The following TUBB2A variants were observed in gnomAD, a reference collection of about 807,000 sequenced individuals.
TUBB2A encodes the protein tubulin beta 2A class IIa, also known as tubulin beta-2A chain.
In TUBB2A, 7 loss-of-function variants were observed where a neutral mutation model predicts 33.9. The ratio of observed to expected loss-of-function variants is 0.21; its 90% CI spans 0.12 to 0.39. The LOEUF is 0.39. TUBB2A is among the 10% of genes least tolerant of loss of function. TUBB2A has a pLI of 1.00. For synonymous variants in TUBB2A, 187 were observed against 247.6 expected (o/e 0.76, Z 2.30); for missense variants, 80 against 593.4 (o/e 0.13, Z 8.99).
Position 3,155,874 on chromosome 6 carries a change from T to C in TUBB2A, c.167-139A>G. 2.2e-6 allele frequency: 3 copies of C among 1,387,552 alleles called. No homozygotes were observed. The highest frequency in any genetic ancestry group is 2.9e-6 in the Non-Finnish European group (3 of 1,026,714). 86.0% of individuals were successfully genotyped at this position (1,387,552 alleles called of 1,614,324 possible). A position where few individuals can be genotyped will look rare whatever the true frequency, so the allele number is the denominator to read the frequency against. On this transcript the variant is annotated intron_variant, in intron 2 of 3. Transcript: ENST00000333628. This position sits in a 1 kb window ranked among gnomAD's most constrained non-coding sequence, Gnocchi z 4.2. ...AGGAGGTCCTGAGTGTGCTTAGCCG[T>C]GGCAAACAGGCAGGAATCTTAGGAA... is the stretch of plus-strand genomic sequence containing the variant.
chr6:3,154,938 G>A lies in TUBB2A; in HGVS notation c.278-15C>T. On this transcript the variant is annotated splice_polypyrimidine_tract_variant and intron_variant, in intron 3 of 3. Transcript: ENST00000333628. The stretch of plus-strand genomic sequence containing the variant: ...TCCACTCTGGCCTGCCAGAGGGAAA[G>A]TGAACATTAGACACTAAAACATAAG... The A allele has an allele frequency of 6.2e-7, 1 of 1,613,992 alleles. No individual in the cohort carries two copies. The highest frequency in any genetic ancestry group is 1.1e-5 in the South Asian group (1 of 91,084).
At chr6:3,157,055 T>G (rs1179356532) in intron 1 of TUBB2A, among the ~76,000 whole-genome samples, 3 of 152,214 alleles carry the variant, frequency 2.0e-5, no homozygotes, top group Admixed American at 1.3e-4. Context: ...ATGTTTTCAT[T>G]CAAACCGTAG....
Position 3,155,211 on chromosome 6 carries a change from T to G in TUBB2A, c.278-288A>C, listed in dbSNP as rs1762612139. 6.6e-6 allele frequency among the ~76,000 whole-genome samples: 1 copy of G among 152,204 alleles called. No homozygotes were observed. Among genetic ancestry groups the G allele is most frequent in the African/African-American group, 2.4e-5 (1 of 41,458 alleles). On this transcript the variant is annotated intron_variant, in intron 3 of 3. Transcript: ENST00000333628. The surrounding 1 kb of genome is among the most constrained non-coding windows in gnomAD (Gnocchi z 4.2). Reference sequence around the variant, plus strand: ...GAAATACATACATTTTTAAGAGGCATTCTCTTTATACTCAACTACAATTAA... The same window carrying G: ...GAAATACATACATTTTTAAGAGGCAGTCTCTTTATACTCAACTACAATTAA...
Position 3,155,839 on chromosome 6 carries a change from T to A in TUBB2A, c.167-104A>T. 7.4e-7 allele frequency: 1 copy of A among 1,354,390 alleles called. No individual in the cohort carries two copies. The highest frequency in any genetic ancestry group is 1.4e-5 in the South Asian group (1 of 71,394). The allele number at this position is 1,354,390 out of a possible 1,614,324, so 83.9% of individuals were successfully genotyped here. Reference sequence around the variant, plus strand: ...AAAGGAGAACAGGAGATTTTCTGCTTTTAAGAAAAAGGAGGTCCTGAGTGT... The same window carrying A: ...AAAGGAGAACAGGAGATTTTCTGCTATTAAGAAAAAGGAGGTCCTGAGTGT... On this transcript the variant is annotated intron_variant, in intron 2 of 3. Transcript: ENST00000333628. This position sits in a 1 kb window ranked among gnomAD's most constrained non-coding sequence, Gnocchi z 4.2.
chr6:3,156,924 G>A (rs1287062382), intron 1 of TUBB2A, among the ~76,000 whole-genome samples: 1 of 152,192 alleles, frequency 6.6e-6, no homozygotes, highest in Admixed American at 6.5e-5. Flanking sequence ...CTGGCAGCAA[G>A]ACTATCGCGT....
rs547781450 is a variant in TUBB2A at position 3,155,190 on chromosome 6, T to C, written c.278-267A>G. The C allele has an allele frequency of 1.5e-4, 136 of 887,726 alleles. 1 individual carries two copies. The highest frequency in any genetic ancestry group is 2.0e-4 in the Non-Finnish European group (120 of 604,074). 55.0% of individuals were successfully genotyped at this position (887,726 alleles called of 1,614,324 possible). ...TTAGAAAACTTAATTGGTTCTGAAA[T>C]ACATACATTTTTAAGAGGCATTCTC... On this transcript the variant is annotated intron_variant, in intron 3 of 3. Transcript: ENST00000333628. This position sits in a 1 kb window ranked among gnomAD's most constrained non-coding sequence, Gnocchi z 4.2.
chr6:3,157,465 G>A lies in TUBB2A; in HGVS notation c.-2C>T, dbSNP rs778835298. On this transcript the variant is annotated 5_prime_UTR_variant, in exon 1 of 4. Transcript: ENST00000333628. ...CTGGATGTGCACGATCTCGCGCATG[G>A]TGCCGGCTGCGGAGCGGGTGGCGCT... The A allele has an allele frequency of 1.4e-5, 22 of 1,534,238 alleles. No individual in the cohort carries two copies. In the African/African-American group the frequency reaches 2.7e-4, roughly 19 times the overall value.
In TUBB2A at chr6:3,157,515, G is replaced by A. The variant is rs762579204; in HGVS notation, c.-52C>T. 1 of 1,446,622 alleles carries A rather than the reference G, an allele frequency of 6.9e-7. No individual in the cohort carries two copies. Among genetic ancestry groups the A allele is most frequent in the East Asian group, 3.0e-5 (1 of 32,928 alleles). 89.6% of individuals were successfully genotyped at this position (1,446,622 alleles called of 1,614,324 possible). A position where few individuals can be genotyped will look rare whatever the true frequency, so the allele number is the denominator to read the frequency against. On this transcript the variant is annotated 5_prime_UTR_variant, in exon 1 of 4. Transcript: ENST00000333628. ...TGGCCCTCGGAGCGGTGCGCGGCGT[G>A]GACCGGCGGGCTGGGCTGCGCAGAG...
intron 1 of TUBB2A, 75 bp downstream of exon 1, chr6:3,157,332 G>A: frequency 7.7e-7 from 1 of 1,295,406 alleles, no homozygotes; most frequent in Non-Finnish European, 9.7e-7. Context: ...GGCCGCCGCG[G>A]CCTCCAGCCC....
intron 1 of TUBB2A, 51 bp downstream of exon 1, chr6:3,157,356 A>G (rs1419821830): frequency 2.8e-6 from 4 of 1,430,368 alleles, no homozygotes; most frequent in Admixed American, 5.1e-5. Flanking sequence ...CCCCGGCCCC[A>G]GCCCGCACCC....
intron 1 of TUBB2A, among the ~76,000 whole-genome samples, chr6:3,156,682 G>T (rs1762640509): frequency 6.6e-6 from 1 of 152,268 alleles, no homozygotes; most frequent in African/African-American, 2.4e-5. Context: ...AGGGCAGCAG[G>T]AGCCTGGGAG....
At position 3,155,139 on chromosome 6, in the gene TUBB2A, G is replaced by A; in HGVS notation, c.278-216C>T. On this transcript the variant is annotated intron_variant, in intron 3 of 3. Coordinates refer to ENST00000333628, the MANE Select transcript of TUBB2A (RefSeq NM_001069.3). The surrounding 1 kb of genome is among the most constrained non-coding windows in gnomAD (Gnocchi z 4.2). ...AAGAAGTAAGTTTAGCTCATCTGAGGCTATTGATTGAGGAAGAGGATAGGG... is the reference window on the plus strand; with the variant it reads ...AAGAAGTAAGTTTAGCTCATCTGAGACTATTGATTGAGGAAGAGGATAGGG... 6 of 1,303,008 alleles carry A rather than the reference G, an allele frequency of 4.6e-6. No homozygotes were observed. Among genetic ancestry groups the A allele is most frequent in the Non-Finnish European group, 6.2e-6 (6 of 973,626 alleles). 80.7% of individuals were successfully genotyped at this position (1,303,008 alleles called of 1,614,324 possible).
In TUBB2A at chr6:3,153,974, G is replaced by C. The variant is rs1028233753; in HGVS notation, c.1227C>G (p.Thr409=). Residue 409 remains threonine, a synonymous_variant, in exon 4 of 4, where the codon ACC becomes ACG. Transcript: ENST00000333628. ...GGTCGTTCATGTTGCTCTCGGCCTC[G>C]GTGAACTCCATCTCGTCCATGCCCT... The part of the protein sequence containing the change: ...TGEGMDEMEF[T]EAESNMNDLV... The C allele has an allele frequency of 6.2e-7, 1 of 1,608,864 alleles. No homozygotes were observed. The highest frequency in any genetic ancestry group is 2.2e-5 in the East Asian group (1 of 44,650).
Position 3,153,808 on chromosome 6 carries a change from C to G in TUBB2A, c.*55G>C, listed in dbSNP as rs562932953. On this transcript the variant is annotated 3_prime_UTR_variant, in exon 4 of 4. Coordinates refer to ENST00000333628, the MANE Select transcript of TUBB2A (RefSeq NM_001069.3). ...CACCATAGTTTACAAGTAGAAAGAC[C>G]ATGCTTGAGGACAACAGAAGTTCAC... 3.1e-5 allele frequency: 50 copies of G among 1,606,398 alleles called. 1 individual carries two copies. In the South Asian group the frequency reaches 5.2e-4, roughly 17 times the overall value.
In TUBB2A at chr6:3,154,871, G is replaced by T; in HGVS notation, c.330C>A (p.Ala110=). 6.2e-7 allele frequency: 1 copy of T among 1,613,612 alleles called. No homozygotes were observed. The highest frequency in any genetic ancestry group is 8.5e-7 in the Non-Finnish European group (1 of 1,179,856). ...NWAKGHYTEG[A]ELVDSVLDVV... is the part of the protein sequence containing the mutation. ...CATCCAGGACCGAGTCGACCAGCTC[G>T]GCTCCCTCTGTGTAGTGGCCCTTGG... Residue 110 remains alanine (A), a synonymous_variant, in exon 4 of 4, where the codon GCC becomes GCA. Transcript: ENST00000333628.
Position 3,155,010 on chromosome 6 carries a change from G to A in TUBB2A, c.278-87C>T. The A allele has an allele frequency of 1.9e-6, 3 of 1,576,406 alleles. No individual in the cohort carries two copies. Among genetic ancestry groups the A allele is most frequent in the South Asian group, 1.1e-5 (1 of 87,916 alleles). ...TGACTATGGAGGAGAAGGTAGGACT[G>A]GTCTTAGACTGGCAGATTCTTCTCT... On this transcript the variant is annotated intron_variant, in intron 3 of 3. Coordinates refer to ENST00000333628, the MANE Select transcript of TUBB2A (RefSeq NM_001069.3). This position sits in a 1 kb window ranked among gnomAD's most constrained non-coding sequence, Gnocchi z 4.2.
In TUBB2A at chr6:3,157,543, C is replaced by A. The variant is rs1185919498; in HGVS notation, c.-80G>T. ...CCGGCGGGCTGGGCTGCGCAGAGAC[C>A]TGCCGCCGCCCCCCCAGCTCGGTCT... On this transcript the variant is annotated 5_prime_UTR_variant, in exon 1 of 4. It adds an upstream start codon to the 5' untranslated region. Coordinates refer to ENST00000333628, the MANE Select transcript of TUBB2A (RefSeq NM_001069.3). 8.7e-6 allele frequency: 12 copies of A among 1,372,614 alleles called. No homozygotes were observed. Among genetic ancestry groups the A allele is most frequent in the Non-Finnish European group, 2.8e-6 (3 of 1,067,572 alleles). The allele number at this position is 1,372,614 out of a possible 1,614,324, so 85.0% of individuals were successfully genotyped here.
Position 3,157,481 on chromosome 6 carries a change from G to A in TUBB2A, c.-18C>T, listed in dbSNP as rs1432171070. On this transcript the variant is annotated 5_prime_UTR_variant, in exon 1 of 4. Transcript: ENST00000333628. ...TCGCGCATGGTGCCGGCTGCGGAGC[G>A]GGTGGCGCTGGCCCTCGGAGCGGTG... 1.3e-6 allele frequency: 2 copies of A among 1,512,352 alleles called. No homozygotes were observed. Among genetic ancestry groups the A allele is most frequent in the Admixed American group, 2.0e-5 (1 of 49,008 alleles). The allele number at this position is 1,512,352 out of a possible 1,614,324, so 93.7% of individuals were successfully genotyped here.
In TUBB2A at chr6:3,157,529, G is replaced by C; in HGVS notation, c.-66C>G. On this transcript the variant is annotated 5_prime_UTR_variant, in exon 1 of 4. Coordinates refer to ENST00000333628, the MANE Select transcript of TUBB2A (RefSeq NM_001069.3). ...GTGCGCGGCGTGGACCGGCGGGCTG[G>C]GCTGCGCAGAGACCTGCCGCCGCCC... 1 of 1,411,020 alleles carries C rather than the reference G, an allele frequency of 7.1e-7. No homozygotes were observed. The highest frequency in any genetic ancestry group is 9.2e-7 in the Non-Finnish European group (1 of 1,086,440). 87.4% of individuals were successfully genotyped at this position (1,411,020 alleles called of 1,614,324 possible).
Sources: gnomAD v4.1 joint callset for allele counts (sites outside exome capture counted in the v4.1 genomes callset) on GRCh38, gnomAD v4.1.1 for gene constraint, Gnocchi (gnomAD v3.1) non-coding constraint, MANE v1.5 for transcripts, NCBI Gene and HGNC (gene_info 2026-07-23, HGNC 2026-07-21) for gene names.